KIF1C: variants seen among roughly 807,000 people sequenced by gnomAD.
KIF1C encodes the protein kinesin family member 1C, also known as kinesin-like protein KIF1C.
In KIF1C, 61 loss-of-function variants were observed where a neutral mutation model predicts 126.5. The observed-to-expected ratio is 0.48, with a 90% confidence interval of 0.39 to 0.60. The LOEUF (loss-of-function observed/expected upper bound fraction) is 0.60. KIF1C is among the 20% of genes least tolerant of loss of function. KIF1C has a pLI of 0.00. For synonymous variants in KIF1C, 640 were observed against 580.6 expected (o/e 1.10, Z -1.47); for missense variants, 1,315 against 1,489.2 (o/e 0.88, Z 1.93).
Position 5,020,013 on chromosome 17 carries a change from C to G in KIF1C, c.1684C>G (p.Pro562Ala). The part of the protein sequence containing the change: ...PDGEVVVTLE[P>A]CEGAETYVNG... ...CCATTCAGTGGTGGTCACTCTGGAG[C>G]CTTGTGAAGGAGCTGAGACATATGT... Residue 562 changes from proline (P) to alanine (A), a missense_variant, in exon 19 of 23, where the codon CCT becomes GCT. Transcript: ENST00000320785. The surrounding 1 kb of genome is among the most constrained non-coding windows in gnomAD (Gnocchi z 5.8). 1 of 1,604,824 alleles carries G rather than the reference C, an allele frequency of 6.2e-7. No individual in the cohort carries two copies.
At chr17:5,021,244 C>A (rs1020182870) in intron 21 of KIF1C, among the ~76,000 whole-genome samples, 30 of 134,184 alleles carry the variant, frequency 2.2e-4, no homozygotes, top group Admixed American at 1.4e-3. Context: ...ATGATCTCGA[C>A]TTACTGTAGC....
intron 13 of KIF1C, among the ~76,000 whole-genome samples, chr17:5,005,730 CT>C (rs72032376): frequency 0.25 from 34,894 of 142,244 alleles, 3,972 homozygotes; most frequent in Middle Eastern, 0.34. Context: ...GCTAAGAATT[CT>C]TTTTTTTTTT....
chr17:4,998,015 G>A lies in KIF1C; in HGVS notation c.-290G>A, dbSNP rs1047150110. On this transcript the variant is annotated 5_prime_UTR_variant, in exon 1 of 23. Coordinates refer to ENST00000320785, the MANE Select transcript of KIF1C (RefSeq NM_006612.6). ...TACTGCTGCCGCCCCCGGGGCGCGA[G>A]TCCGCCGCCCGCCGCCCGGGCACCC... 2.7e-5 allele frequency: 4 copies of A among 148,466 alleles called. No homozygotes were observed. The highest frequency in any genetic ancestry group is 7.3e-5 in the African/African-American group (3 of 40,850). 9.2% of individuals were successfully genotyped at this position (148,466 alleles called of 1,614,324 possible). A position where few individuals can be genotyped will look rare whatever the true frequency, so the allele number is the denominator to read the frequency against.
intron 11 of KIF1C, 125 bp downstream of exon 11, chr17:5,004,198 C>T: frequency 1.3e-6 from 1 of 780,228 alleles, no homozygotes; most frequent in Non-Finnish European, 2.2e-6. Flanking sequence ...TCCCCCTGAC[C>T]CTTCAAAGGG....
At chr17:5,008,514 C>G (rs1485752997) in intron 16 of KIF1C, among the ~76,000 whole-genome samples, 1 of 152,234 alleles carries the variant, frequency 6.6e-6, no homozygotes, top group African/African-American at 2.4e-5. Context: ...CTGAGCCAGA[C>G]AGTGTCACTG....
At chr17:5,016,038 T>C (rs1974964510) in intron 18 of KIF1C, among the ~76,000 whole-genome samples, 1 of 152,086 alleles carries the variant, frequency 6.6e-6, no homozygotes, top group Non-Finnish European at 1.5e-5. Context: ...ATGTGCTGTC[T>C]GTCAGCTTGG....
rs1464197391 is a variant in KIF1C at position 5,020,714 on chromosome 17, T to TAGGCCGTCC, written c.1937+37_1937+45dup. 1 of 1,611,010 alleles carries TAGGCCGTCC rather than the reference T, an allele frequency of 6.2e-7. No individual in the cohort carries two copies. The highest frequency in any genetic ancestry group is 1.1e-5 in the South Asian group (1 of 90,996). ...GTTACCCACGTGCCCCATGGCCGTC[T>TAGGCCGTCC]AGGCCGTCCCTCCCGGGCCTCTGGG... On this transcript the variant is annotated intron_variant, in intron 20 of 22. Transcript: ENST00000320785. This position sits in a 1 kb window ranked among gnomAD's most constrained non-coding sequence, Gnocchi z 5.8.
intron 5 of KIF1C, among the ~76,000 whole-genome samples, chr17:5,001,817 G>A (rs1041967763): frequency 6.6e-6 from 1 of 152,200 alleles, no homozygotes; most frequent in African/African-American, 2.4e-5. Flanking sequence ...CCTGGCACAC[G>A]GGCTTGGGAG....
At chr17:5,000,390 G>A (rs763218237) in intron 3 of KIF1C, 38 bp downstream of exon 3, 55 of 1,393,288 alleles carry the variant, frequency 3.9e-5, no homozygotes, top group Non-Finnish European at 5.5e-5. Flanking sequence ...GCACAGGCAG[G>A]GAAGGCCGGG....
At chr17:5,002,918 G>A (rs1323751188) in intron 8 of KIF1C, 76 bp downstream of exon 8, 2 of 1,227,834 alleles carry the variant, frequency 1.6e-6, no homozygotes, top group Non-Finnish European at 2.3e-6. Context: ...ATGGTAGAAG[G>A]GTCTTGGGCC....
chr17:5,007,633 A>C, intron 16 of KIF1C, 91 bp downstream of exon 16: 1 of 1,063,784 alleles, frequency 9.4e-7, no homozygotes, highest in Non-Finnish European at 1.3e-6. Flanking sequence ...GCTGTCCCTG[A>C]TCGCTCCCTT....
In KIF1C at chr17:5,026,124, G is replaced by C. The variant is rs1475020620; in HGVS notation, c.*1973G>C. On this transcript the variant is annotated 3_prime_UTR_variant, in exon 23 of 23. Coordinates refer to ENST00000320785, the MANE Select transcript of KIF1C (RefSeq NM_006612.6). The stretch of plus-strand genomic sequence containing the variant: ...CGAAGGAACGATTAGGTTTACTCTA[G>C]GTTTCCACACCCTGATGCTCCTGCC... 1 of 152,222 alleles carries C rather than the reference G, an allele frequency of 6.6e-6. No homozygotes were observed. Among genetic ancestry groups the C allele is most frequent in the Non-Finnish European group, 1.5e-5 (1 of 68,046 alleles). The allele number at this position is 152,222 out of a possible 1,614,324, so 9.4% of individuals were successfully genotyped here. A position where few individuals can be genotyped will look rare whatever the true frequency, so the allele number is the denominator to read the frequency against.
chr17:5,000,868 G>A lies in KIF1C; in HGVS notation c.183+20G>A. On this transcript the variant is annotated intron_variant, in intron 4 of 22. Coordinates refer to ENST00000320785, the MANE Select transcript of KIF1C (RefSeq NM_006612.6). ...ACTTCGGTGGGTTGTTGGGCTGGGG[G>A]AAGAGCAAGGCAGTGAGAGACAGAG... 6.2e-7 allele frequency: 1 copy of A among 1,608,558 alleles called. No homozygotes were observed. The highest frequency in any genetic ancestry group is 8.5e-7 in the Non-Finnish European group (1 of 1,175,030).
In KIF1C at chr17:5,003,682, G is replaced by T. The variant is rs774939825; in HGVS notation, c.791G>T (p.Arg264Leu). The T allele has an allele frequency of 6.2e-7, 1 of 1,613,108 alleles. No individual in the cohort carries two copies. Among genetic ancestry groups the T allele is most frequent in the South Asian group, 1.1e-5 (1 of 90,976 alleles). ...RADSSGARGM[R>L]LKEGANINKS... ...GACTCCTCAGGGGCCCGGGGCATGC[G>T]CCTGAAGGTGAGGGGCCTTCAGAGG... The change falls in exon 9 of 23, where the codon CGC becomes CTC. Residue 264 changes from arginine (R) to leucine (L), a missense_variant. Coordinates refer to ENST00000320785, the MANE Select transcript of KIF1C (RefSeq NM_006612.6).
intron 16 of KIF1C, among the ~76,000 whole-genome samples, chr17:5,012,780 A>C (rs1307166186): frequency 6.6e-6 from 1 of 152,180 alleles, no homozygotes; most frequent in African/African-American, 2.4e-5. Context: ...CAGTGGCATG[A>C]ATGGGGGTAC....
intron 18 of KIF1C, among the ~76,000 whole-genome samples, chr17:5,017,451 C>G (rs1259807452): frequency 7.9e-5 from 12 of 151,966 alleles, no homozygotes; most frequent in South Asian, 2.1e-4. Context: ...AGGCGCCCCC[C>G]CACCACCACA....
At position 5,014,855 on chromosome 17, in the gene KIF1C, G is replaced by A. The variant is rs1350596702; in HGVS notation, c.1666+18G>A. 4 of 1,559,204 alleles carry A rather than the reference G, an allele frequency of 2.6e-6. No homozygotes were observed. The highest frequency in any genetic ancestry group is 3.5e-6 in the Non-Finnish European group (4 of 1,147,654). Reference sequence around the variant, plus strand: ...TGGAGAAGGTAATGGCTGAGGGGGTGAGAGAGGCCAGACAGGGAGAGAGGC... The same window carrying A: ...TGGAGAAGGTAATGGCTGAGGGGGTAAGAGAGGCCAGACAGGGAGAGAGGC... On this transcript the variant is annotated intron_variant, in intron 18 of 22. Coordinates refer to ENST00000320785, the MANE Select transcript of KIF1C (RefSeq NM_006612.6).
intron 2 of KIF1C, 112 bp from the exon 3 acceptor site, chr17:5,000,108 C>T (rs1330886831): frequency 1.3e-5 from 8 of 635,576 alleles, no homozygotes; most frequent in Admixed American, 2.6e-5. Flanking sequence ...CCTTGAGAGG[C>T]TGGGTGGCTC....
rs1974753175 is a variant in KIF1C at position 5,007,141 on chromosome 17, C to T, written c.1335+57C>T. On this transcript the variant is annotated intron_variant, in intron 14 of 22. Transcript: ENST00000320785. ...TCTGGGCATTCCTGGGAGTTTACTT[C>T]TCCAAAGTCAAGCTTGAGAAAGAAG... 5.1e-6 allele frequency: 8 copies of T among 1,577,944 alleles called. No homozygotes were observed. In the East Asian group the frequency reaches 1.1e-4, roughly 22 times the overall value.
Sources: gnomAD v4.1 joint callset for allele counts (sites outside exome capture counted in the v4.1 genomes callset) on GRCh38, gnomAD v4.1.1 for gene constraint, Gnocchi (gnomAD v3.1) non-coding constraint, MANE v1.5 for transcripts, NCBI Gene and HGNC (gene_info 2026-07-23, HGNC 2026-07-21) for gene names.